LILRB3: variants seen among roughly 807,000 people sequenced by gnomAD.
LILRB3 encodes leukocyte immunoglobulin-like receptor subfamily B member 3.
A neutral mutation model predicts 68.2 loss-of-function variants in LILRB3; 32 were observed. The ratio of observed to expected loss-of-function variants is 0.47; its 90% confidence interval spans 0.35 to 0.63. The LOEUF (loss-of-function observed/expected upper bound fraction) is 0.63. Among genes scored for constraint, LILRB3 ranks in the 30% least tolerant of loss-of-function variants. LILRB3 has a pLI of 0.00. For missense variants in LILRB3, 502 were observed against 791.3 expected, an observed-to-expected ratio of 0.63 and a Z score of 4.39; for synonymous variants, 185 against 323.1, an observed-to-expected ratio of 0.57 and a Z score of 4.58.
At chr19:54,217,385 T>C (rs751101506) in exon 12 of LILRB3, 3 of 1,593,660 alleles carry the variant, frequency 1.9e-6, no homozygotes, top group Middle Eastern at 2.3e-4. Flanking sequence ...CCCCAGACAG[T>C]GAGGAGGGAG....
chr19:54,221,093 G>C (rs1326525115), exon 5 of LILRB3: 1 of 1,343,898 alleles, frequency 7.4e-7, no homozygotes, highest in Non-Finnish European at 9.9e-7. Flanking sequence ...CTGTGATCAG[G>C]ATGTCCAGGG....
At chr19:54,221,147 A>G (rs78279726) in exon 5 of LILRB3, 147,444 of 976,262 alleles carry the variant, frequency 0.15, 41,496 homozygotes, top group East Asian at 0.74. Flanking sequence ...TGTGTGCACC[A>G]TAGCACCTGT....
chr19:54,219,658 C>G, intron 7 of LILRB3: 1 of 1,483,056 alleles, frequency 6.7e-7, no homozygotes. Flanking sequence ...CCTGGGAGGC[C>G]TCCTCTCCCA....
chr19:54,218,531 G>A, intron 10 of LILRB3, 114 bp downstream of exon 10: 2 of 1,602,820 alleles, frequency 1.2e-6, no homozygotes, highest in Non-Finnish European at 1.7e-6. Context: ...ACAGTGTGGG[G>A]CAAGACCATC....
At position 54,217,175 on chromosome 19, in the gene LILRB3, C is replaced by G. The variant is rs368764058; in HGVS notation, c.1814G>C (p.Arg605Pro). 5.6e-5 allele frequency: 90 copies of G among 1,613,344 alleles called. No individual in the cohort carries two copies. The highest frequency in any genetic ancestry group is 6.9e-5 in the Non-Finnish European group (81 of 1,179,998). Residue 605 changes from arginine (R) to proline (P), a missense_variant, in exon 13 of 13, where the codon CGG becomes CCG. This residue lies in a region of LILRB3 where 267 missense variants were observed against 245.5 expected (regional missense o/e 1.09). Transcript: ENST00000445347. ...GGATGGAGGAGGCTCAGTTGCCTTC[C>G]GTCTAAGGGTCAAGCTGTGCAGCTG...
rs376704660 is a variant in LILRB3, at chr19:54,216,556, C to T, written c.*537G>A. 9.9e-5 allele frequency: 86 copies of T among 868,048 alleles called. 2 individuals carry two copies. In the East Asian group the frequency reaches 8.1e-3, roughly 82 times the overall value. The allele number at this position is 868,048 out of a possible 1,614,324, so 53.8% of individuals were successfully genotyped here. A position where few individuals can be genotyped will look rare whatever the true frequency, so the allele number is the denominator to read the frequency against. On this transcript the variant is annotated 3_prime_UTR_variant, in exon 13 of 13. Transcript: ENST00000445347. ...CGATCTCCTGACCTCATGATCCGCCCGCATCAGCCTCCCAAAGTGCTGAGA... is the reference window on the plus strand; with the variant it reads ...CGATCTCCTGACCTCATGATCCGCCTGCATCAGCCTCCCAAAGTGCTGAGA...
intron 8 of LILRB3, 44 bp from the exon 9 acceptor site, chr19:54,218,882 C>T (rs1332482552): frequency 1.9e-6 from 3 of 1,613,544 alleles, no homozygotes; most frequent in South Asian, 1.1e-5. Flanking sequence ...AACATTAGAA[C>T]TCCCATTCTA....
intron 7 of LILRB3, chr19:54,219,791 G>A: frequency 1.3e-6 from 2 of 1,512,522 alleles, no homozygotes; most frequent in African/African-American, 1.4e-5. Flanking sequence ...CACCTCCAGA[G>A]GAGCCTGAAC....
At chr19:54,219,982 C>CTT (rs2077945010) in intron 7 of LILRB3, 173 bp downstream of exon 7, 1 of 1,257,504 alleles carries the variant, frequency 8.0e-7, no homozygotes, top group Non-Finnish European at 1.1e-6. Flanking sequence ...CCCGGCTCCT[C>CTT]CTCCTGGCTG....
intron 7 of LILRB3, 196 bp downstream of exon 7, chr19:54,219,959 C>G (rs2077938472): frequency 7.5e-7 from 1 of 1,324,650 alleles, no homozygotes; most frequent in Non-Finnish European, 1.0e-6. Context: ...GGCTGTCTTG[C>G]CCCCCACATC....
chr19:54,222,354 T>C (rs75672336), exon 3 of LILRB3: 116,929 of 1,256,826 alleles, frequency 0.093, 13,524 homozygotes, highest in East Asian at 0.33. Context: ...GGTATCTCCC[T>C]GCATGGTGCT....
At chr19:54,222,224 GA>G (rs1307427227) in intron 3 of LILRB3, 53 bp downstream of exon 3, 1 of 1,610,692 alleles carries the variant, frequency 6.2e-7, no homozygotes, top group Non-Finnish European at 8.5e-7. Context: ...CCTGAGAGCC[GA>G]CCCCCTTCCT....
chr19:54,218,815 G>A lies in LILRB3; in HGVS notation c.1450C>T (p.Arg484Cys), dbSNP rs369201617. ...TCTGTCTCCGCAGCCCCTGCAGGAC[G>A]CTGGAAATCAGTCTTTCTCTGGTCT... The change falls in exon 9 of 13, where the codon CGT becomes TGT. Residue 484 changes from arginine to cysteine, a missense_variant. By Grantham distance (180) the Arg-to-Cys change is radical. Around this residue, in one of 8 missense-constraint regions of LILRB3, gnomAD observed 267 missense variants for 245.5 expected, o/e 1.09. Coordinates refer to ENST00000445347, the Ensembl canonical transcript of LILRB3. 15 of 1,614,082 alleles carry A rather than the reference G, an allele frequency of 9.3e-6. No individual in the cohort carries two copies. Among genetic ancestry groups the A allele is most frequent in the Middle Eastern group, 1.6e-4 (1 of 6,062 alleles).
chr19:54,218,337 G>C (rs898094756), intron 11 of LILRB3, 24 bp downstream of exon 11: 2 of 1,613,674 alleles, frequency 1.2e-6, no homozygotes, highest in Non-Finnish European at 1.7e-6. Flanking sequence ...GGCCTTTGGT[G>C]CCTGGGACGG....
At chr19:54,217,157 G>A in exon 13 of LILRB3, 1 of 1,614,126 alleles carries the variant, frequency 6.2e-7, no homozygotes, top group African/African-American at 1.3e-5. Context: ...CTGGGATGGA[G>A]GAGGCTCAGT....
chr19:54,222,176 A>T (rs2078254785), intron 3 of LILRB3, 46 bp from the exon 4 acceptor site: 1 of 1,610,484 alleles, frequency 6.2e-7, no homozygotes. Flanking sequence ...CCCACCTCCC[A>T]CATCATCCCC....
rs1325754608 is a variant in LILRB3, at chr19:54,219,158, CGGAG to C, written c.1393_1396del (p.Leu465ValfsTer34). ...TGTCCTGTGTTTGCTGTGACGCTGA[CGGAG>C]GAGGAGGAGGAAGAGGAGGAGGAAG... is the stretch of plus-strand genomic sequence containing the variant. On this transcript the variant is annotated frameshift_variant, in exon 8 of 13. Coordinates refer to ENST00000445347, the Ensembl canonical transcript of LILRB3. LOFTEE classifies it high-confidence loss of function. 3.9e-6 allele frequency: 6 copies of C among 1,545,828 alleles called. No homozygotes were observed. Among genetic ancestry groups the C allele is most frequent in the Non-Finnish European group, 5.3e-6 (6 of 1,133,030 alleles).
chr19:54,218,710 G>C (rs1041671125), intron 9 of LILRB3, 28 bp from the exon 10 acceptor site: 4 of 1,614,042 alleles, frequency 2.5e-6, no homozygotes, highest in Non-Finnish European at 3.4e-6. Context: ...AGTGTGAGGG[G>C]CAGTGTATGG....
In LILRB3 at chr19:54,222,744, C is replaced by G. The variant is rs1488092944; in HGVS notation, c.70+3G>C. The G allele has an allele frequency of 1.2e-6, 2 of 1,612,446 alleles. 1 individual carries two copies. Among genetic ancestry groups the G allele is most frequent in the African/African-American group, 2.7e-5 (2 of 73,640 alleles). ...GACCTGGGACAGCTGGGGACAGACTCACCTGCCTGCATGCGGGTCCTGGGG... is the reference window on the plus strand; with the variant it reads ...GACCTGGGACAGCTGGGGACAGACTGACCTGCCTGCATGCGGGTCCTGGGG... On this transcript the variant is annotated splice_donor_region_variant and intron_variant, in intron 2 of 12. Coordinates refer to ENST00000445347, the Ensembl canonical transcript of LILRB3.
Sources: allele counts gnomAD v4.1 joint callset, GRCh38; gene constraint gnomAD v4.1.1; regional missense constraint gnomAD v4.1.1; transcripts MANE v1.5; gene names NCBI Gene and HGNC (gene_info 2026-07-23, HGNC 2026-07-21).